The following FNDC1 variants were observed in gnomAD, a reference collection of about 807,000 sequenced individuals.
The protein encoded by FNDC1 is fibronectin type III domain containing 1.
FNDC1 carries 96 observed loss-of-function variants against 168.0 expected under a neutral mutation model. That is an observed-to-expected ratio of 0.57 (90% CI 0.48 to 0.68). The LOEUF (loss-of-function observed/expected upper bound fraction) is 0.68. Ranked by LOEUF, FNDC1 falls within the 30% of genes least tolerant of loss-of-function variation. The probability of loss-of-function intolerance (pLI) is 0.00; values close to 1 mark genes in which losing one functional copy is unlikely to be tolerated. For missense variants in FNDC1, 2,587 were observed against 2,482.1 expected (o/e 1.04, Z -0.90); for synonymous variants, 1,099 against 1,025.9 (o/e 1.07, Z -1.36).
chr6:159,249,551 A>G (rs1777214184), intron 16 of FNDC1, among the ~76,000 whole-genome samples: 1 of 152,222 alleles, frequency 6.6e-6, no homozygotes, highest in Non-Finnish European at 1.5e-5. Flanking sequence ...TGTCTGTTAA[A>G]TTCTTCCTAA....
intron 15 of FNDC1, among the ~76,000 whole-genome samples, chr6:159,248,115 A>C (rs1044357859): frequency 4.6e-5 from 7 of 152,260 alleles, no homozygotes; most frequent in Non-Finnish European, 5.9e-5. Flanking sequence ...GACTTAAAAG[A>C]AAAACAGCAG....
Position 159,251,307 on chromosome 6 carries a change from T to A in FNDC1, c.4840T>A (p.Tyr1614Asn). Residue 1614 changes from tyrosine to asparagine, a missense_variant, in exon 17 of 23, where the codon TAC becomes AAC. Coordinates refer to ENST00000297267, the MANE Select transcript of FNDC1 (RefSeq NM_032532.3). The part of the protein sequence containing the change: ...LAGRKRFVAP[Y>N]VTYLNKDPSA... ...TTATCTCTGTTCTTTTCCAGCTCCT[T>A]ACGTGACGTACCTAAATAAAGACCC... 1 of 1,613,208 alleles carries A rather than the reference T, an allele frequency of 6.2e-7. No homozygotes were observed. Among genetic ancestry groups the A allele is most frequent in the African/African-American group, 1.3e-5 (1 of 75,032 alleles).
intron 14 of FNDC1, among the ~76,000 whole-genome samples, chr6:159,242,661 G>T (rs909516866): frequency 3.3e-5 from 5 of 152,062 alleles, no homozygotes; most frequent in Non-Finnish European, 5.9e-5. Context: ...CATCACCCCA[G>T]GAGAAACTCC....
intron 21 of FNDC1, among the ~76,000 whole-genome samples, chr6:159,266,871 A>G (rs1333621003): frequency 6.6e-6 from 1 of 152,050 alleles, no homozygotes; most frequent in Non-Finnish European, 1.5e-5. Context: ...TGTTTTTATC[A>G]TGGTGGGAGA....
At chr6:159,186,971 G>A (rs747794865) in intron 1 of FNDC1, among the ~76,000 whole-genome samples, 4 of 152,196 alleles carry the variant, frequency 2.6e-5, no homozygotes, top group Admixed American at 1.3e-4. Context: ...AAAATAATGC[G>A]TTGTTATCAA....
intron 14 of FNDC1, chr6:159,241,020 G>A (rs1240741042): frequency 6.6e-6 from 1 of 152,204 alleles, no homozygotes; most frequent in Non-Finnish European, 1.5e-5. Context: ...TCTGTTGGAA[G>A]TTAGTCTTTC....
chr6:159,217,797 C>T (rs994655166), intron 5 of FNDC1, among the ~76,000 whole-genome samples: 2 of 152,224 alleles, frequency 1.3e-5, no homozygotes, highest in African/African-American at 2.4e-5. Context: ...CCCTCTGTTG[C>T]AGCGGCATGT....
chr6:159,195,197 C>A (rs1054751643), intron 1 of FNDC1, among the ~76,000 whole-genome samples: 22 of 152,160 alleles, frequency 1.4e-4, no homozygotes, highest in South Asian at 4.1e-4. Context: ...CATTAGGTAA[C>A]TCTCTAAGGC....
chr6:159,257,356 A>G (rs911091404), intron 18 of FNDC1, among the ~76,000 whole-genome samples: 1 of 152,306 alleles, frequency 6.6e-6, no homozygotes, highest in African/African-American at 2.4e-5. Context: ...GGTTGATAGC[A>G]TTTGCCAATT....
chr6:159,194,025 A>AT (rs1204517285), intron 1 of FNDC1, among the ~76,000 whole-genome samples: 1 of 152,038 alleles, frequency 6.6e-6, no homozygotes, highest in Non-Finnish European at 1.5e-5. Context: ...TGTGGAAGTG[A>AT]TTTTGCTGTG....
chr6:159,253,145 A>C (rs59483817), intron 17 of FNDC1, among the ~76,000 whole-genome samples: 3,145 of 152,282 alleles, frequency 0.021, 109 homozygotes, highest in African/African-American at 0.071. Flanking sequence ...TCAGAGCCCT[A>C]ATCATGAGTA....
intron 19 of FNDC1, among the ~76,000 whole-genome samples, chr6:159,262,934 C>T (rs1284052382): frequency 6.6e-6 from 1 of 152,202 alleles, no homozygotes; most frequent in Non-Finnish European, 1.5e-5. Context: ...CAAGTTTCTC[C>T]TTCATTTTGT....
chr6:159,212,544 G>A (rs909644285), intron 4 of FNDC1, among the ~76,000 whole-genome samples: 2 of 152,122 alleles, frequency 1.3e-5, no homozygotes, highest in African/African-American at 4.8e-5. Flanking sequence ...AAAAAATGGG[G>A]TTGGTTTTTC....
intron 22 of FNDC1, among the ~76,000 whole-genome samples, chr6:159,269,248 TCCATC>T (rs1777666714): frequency 1.8e-5 from 2 of 110,514 alleles, no homozygotes; most frequent in Admixed American, 8.9e-5. Context: ...TATCTATCTA[TCCATC>T]TATCATCTAT....
rs188173189 is a variant in FNDC1 at position 159,192,980 on chromosome 6, C to T, written c.110-4451C>T. Among the ~76,000 whole-genome samples the T allele has an allele frequency of 2.7e-4, 41 of 152,262 alleles. No individual in the cohort carries two copies. In the East Asian group the frequency reaches 6.2e-3, roughly 23 times the overall value. On this transcript the variant is annotated intron_variant, in intron 1 of 22. Coordinates refer to ENST00000297267, the MANE Select transcript of FNDC1 (RefSeq NM_032532.3). The stretch of plus-strand genomic sequence containing the variant: ...CATCTTGATTCATAGACTTTCCTCA[C>T]GGACCCAGATTCACAGAGTCTCTGA...
At chr6:159,265,069 G>A in intron 20 of FNDC1, 65 bp downstream of exon 20, 1 of 1,365,548 alleles carries the variant, frequency 7.3e-7, no homozygotes, top group African/African-American at 1.4e-5. Flanking sequence ...ATATGAGATT[G>A]TTGTGATTAC....
chr6:159,253,888 G>A (rs879774433), intron 17 of FNDC1, among the ~76,000 whole-genome samples: 4 of 152,224 alleles, frequency 2.6e-5, no homozygotes, highest in Admixed American at 6.5e-5. Flanking sequence ...CTGGGTTTCC[G>A]TGGCACACGT....
At chr6:159,258,367 T>C (rs555457140) in intron 18 of FNDC1, among the ~76,000 whole-genome samples, 8 of 152,278 alleles carry the variant, frequency 5.3e-5, no homozygotes, top group South Asian at 2.1e-4. Flanking sequence ...TTTGAGAGTA[T>C]ATAATGGGGG....
intron 16 of FNDC1, 139 bp downstream of exon 16, chr6:159,249,321 A>G: frequency 1.3e-6 from 1 of 755,556 alleles, no homozygotes; most frequent in Non-Finnish European, 2.1e-6. Flanking sequence ...ACTGGGGATA[A>G]TTGAGTGAGT....
Sources: gnomAD v4.1 joint callset for allele counts (sites outside exome capture counted in the v4.1 genomes callset) on GRCh38, gnomAD v4.1.1 for gene constraint, MANE v1.5 for transcripts, NCBI Gene and HGNC (gene_info 2026-07-23, HGNC 2026-07-21) for gene names.